Variants in GNG7 observed in about 807,000 individuals in gnomAD.
GNG7 encodes G protein subunit gamma 7.
In GNG7, 1 loss-of-function variant was observed where a neutral mutation model predicts 4.0. The observed-to-expected ratio is 0.25, with a 90% CI of 0.09 to 1.18. The LOEUF is 1.18. GNG7 is among the 50% of genes most tolerant of loss of function. GNG7 has a pLI of 0.50. For synonymous variants in GNG7, 34 were observed against 36.9 expected (o/e 0.92, Z 0.29); for missense variants, 86 against 91.9 (o/e 0.94, Z 0.26).
chr19:2,538,026 A>G (rs890858076), intron 3 of GNG7: 1 of 414,172 alleles, frequency 2.4e-6, no homozygotes, highest in Non-Finnish European at 4.9e-6. Context: ...GTAGTGAGCT[A>G]TGATTGCGCC....
chr19:2,577,303 G>A (rs754917394), intron 2 of GNG7, among the ~76,000 whole-genome samples: 7 of 152,134 alleles, frequency 4.6e-5, no homozygotes, highest in East Asian at 1.9e-4. Flanking sequence ...TCCAAGGCTC[G>A]CCCGGGGAAG....
intron 3 of GNG7, among the ~76,000 whole-genome samples, chr19:2,530,995 T>A (rs1978563838): frequency 6.6e-6 from 1 of 151,922 alleles, no homozygotes; most frequent in Non-Finnish European, 1.5e-5. Flanking sequence ...TGGGACAACT[T>A]AATATTGCAC....
At chr19:2,671,176 G>A (rs1292350296) in intron 1 of GNG7, among the ~76,000 whole-genome samples, 3 of 152,098 alleles carry the variant, frequency 2.0e-5, no homozygotes, top group Non-Finnish European at 4.4e-5. Flanking sequence ...CATGCCAGGA[G>A]CTGCCCCTCT....
intron 3 of GNG7, among the ~76,000 whole-genome samples, chr19:2,553,125 CAAA>C (rs36098274): frequency 8.9e-6 from 1 of 112,390 alleles, no homozygotes; most frequent in Non-Finnish European, 1.8e-5. Context: ...AAAGCAAAAC[CAAA>C]AAAAAAAAAA....
chr19:2,633,491 A>ACACGCG lies in GNG7; in HGVS notation c.-78+12732_-78+12733insCGCGTG, dbSNP rs1568268776. On this transcript the variant is annotated intron_variant, in intron 2 of 4. Coordinates refer to ENST00000382159, the MANE Select transcript of GNG7 (RefSeq NM_052847.3). The surrounding 1 kb of genome is among the most constrained non-coding windows in gnomAD (Gnocchi z 5.9). Reference sequence around the variant, plus strand: ...AACAGGCGCGCGCGCGCGCGCGCACACACACACACACACACACACACACAC... The same window carrying ACACGCG: ...AACAGGCGCGCGCGCGCGCGCGCACACACGCGCACACACACACACACACACACACAC... Among the ~76,000 whole-genome samples the ACACGCG allele has an allele frequency of 3.1e-3, 260 of 82,896 alleles. No homozygotes were observed. The highest frequency in any genetic ancestry group is 0.018 in the African/African-American group (249 of 13,898). The allele number at this position is 82,896 out of a possible 152,430, so 54.4% of individuals were successfully genotyped here.
intron 2 of GNG7, among the ~76,000 whole-genome samples, chr19:2,580,818 G>T (rs1387454542): frequency 6.6e-6 from 1 of 151,782 alleles, no homozygotes; most frequent in Non-Finnish European, 1.5e-5. Flanking sequence ...AGGCTGGAGT[G>T]CAGTGGTGCA....
At chr19:2,662,298 T>C (rs1263773075) in intron 1 of GNG7, among the ~76,000 whole-genome samples, 1 of 150,838 alleles carries the variant, frequency 6.6e-6, no homozygotes, top group Non-Finnish European at 1.5e-5. Context: ...AAGATATTTC[T>C]GTGACCAAAT....
At chr19:2,629,777 G>A (rs1006315991) in intron 2 of GNG7, among the ~76,000 whole-genome samples, 2 of 152,218 alleles carry the variant, frequency 1.3e-5, no homozygotes, top group Non-Finnish European at 2.9e-5. Context: ...GAGGAGCTCC[G>A]TCCACATTTA....
rs964771163 is a variant in GNG7 at position 2,600,637 on chromosome 19, A to AT, written c.-77-45450dup. ...CAGGCGCCACCACCACACCTGGCTAATTTTTTTTTTTAATTTTTAGTAGAG... is the reference window on the plus strand; with the variant it reads ...CAGGCGCCACCACCACACCTGGCTAATTTTTTTTTTTTAATTTTTAGTAGAG... On this transcript the variant is annotated intron_variant, in intron 2 of 4. Coordinates refer to ENST00000382159, the MANE Select transcript of GNG7 (RefSeq NM_052847.3). 3.0e-4 allele frequency among the ~76,000 whole-genome samples: 44 copies of AT among 147,754 alleles called. 1 individual carries two copies. In the Middle Eastern group the frequency reaches 0.021, roughly 70 times the overall value.
chr19:2,651,292 C>A (rs1386665148), intron 1 of GNG7, among the ~76,000 whole-genome samples: 1 of 87,192 alleles, frequency 1.1e-5, no homozygotes. Context: ...CTCCATCCCT[C>A]CCTCCCTACC....
intron 2 of GNG7, among the ~76,000 whole-genome samples, chr19:2,570,708 G>A (rs1298454411): frequency 6.6e-6 from 1 of 152,196 alleles, no homozygotes; most frequent in Non-Finnish European, 1.5e-5. Context: ...AGCAGACAGC[G>A]CTCCTCGGAC....
chr19:2,520,557 G>C, intron 4 of GNG7, 51 bp downstream of exon 4: 1 of 1,038,924 alleles, frequency 9.6e-7, no homozygotes, highest in Non-Finnish European at 1.5e-6. Flanking sequence ...CATCATTTGC[G>C]GGGCCCCCAA....
rs1599457908 is a variant in GNG7, at chr19:2,678,532, C to CT, written c.-135+24113dup. Among the ~76,000 whole-genome samples the CT allele has an allele frequency of 2.0e-5, 3 of 152,310 alleles. No individual in the cohort carries two copies. In the East Asian group the frequency reaches 5.8e-4, roughly 29 times the overall value. On this transcript the variant is annotated intron_variant, in intron 1 of 4. Transcript: ENST00000382159. ...CCCACTGTACACAGGTCACACTTGG[C>CT]TCTTTGAACTCAGTCACCTATTATG...
chr19:2,670,221 G>A lies in GNG7; in HGVS notation c.-134-23941C>T, dbSNP rs111391789. 3.7e-3 allele frequency among the ~76,000 whole-genome samples: 564 copies of A among 152,214 alleles called. 5 individuals carry two copies. Among genetic ancestry groups the A allele is most frequent in the African/African-American group, 0.013 (540 of 41,518 alleles). On this transcript the variant is annotated intron_variant, in intron 1 of 4. Coordinates refer to ENST00000382159, the MANE Select transcript of GNG7 (RefSeq NM_052847.3). ...CAGGGGGTGAAATAAGCTCTGTCTGGTGCAGCCTGGTTCTGGCCACGGAGA... is the reference window on the plus strand; with the variant it reads ...CAGGGGGTGAAATAAGCTCTGTCTGATGCAGCCTGGTTCTGGCCACGGAGA...
chr19:2,549,535 TG>T (rs1979248853), intron 3 of GNG7, among the ~76,000 whole-genome samples: 2 of 152,118 alleles, frequency 1.3e-5, no homozygotes, highest in Non-Finnish European at 2.9e-5. Context: ...GTGATCCACG[TG>T]TCTCGGCCTC....
chr19:2,623,087 G>T (rs922507034), intron 2 of GNG7, among the ~76,000 whole-genome samples: 1 of 152,216 alleles, frequency 6.6e-6, no homozygotes, highest in Non-Finnish European at 1.5e-5. Context: ...GGTGACCACA[G>T]GTTGGGCTGT....
chr19:2,636,525 C>T lies in GNG7; in HGVS notation c.-78+9699G>A, dbSNP rs1982312042. On this transcript the variant is annotated intron_variant, in intron 2 of 4. Coordinates refer to ENST00000382159, the MANE Select transcript of GNG7 (RefSeq NM_052847.3). ...CCCAGCCCTCCAGGGATGCTTTATG[C>T]CTTCCATTCTCTGGTCCGAGCTCTG... Among the ~76,000 whole-genome samples the T allele has an allele frequency of 2.6e-5, 4 of 152,266 alleles. No homozygotes were observed. In the South Asian group the frequency reaches 8.3e-4, roughly 32 times the overall value.
At chr19:2,647,819 C>T (rs192779920) in intron 1 of GNG7, among the ~76,000 whole-genome samples, 2 of 151,928 alleles carry the variant, frequency 1.3e-5, no homozygotes, top group East Asian at 1.9e-4. Context: ...CCTGAGGTCA[C>T]GAGTTCGAGA....
intron 1 of GNG7, among the ~76,000 whole-genome samples, chr19:2,648,204 T>C (rs1191156193): frequency 6.6e-6 from 1 of 151,054 alleles, no homozygotes; most frequent in African/African-American, 2.4e-5. Context: ...CTGGGCAACA[T>C]AGCAAGACCC....
Sources: allele counts gnomAD v4.1 joint callset (sites outside exome capture counted in the v4.1 genomes callset), GRCh38; gene constraint gnomAD v4.1.1; non-coding constraint Gnocchi (gnomAD v3.1); transcripts MANE v1.5; gene names NCBI Gene and HGNC (gene_info 2026-07-23, HGNC 2026-07-21).